CBFA2T2: variants seen among roughly 807,000 people sequenced by gnomAD.
CBFA2T2 encodes protein CBFA2T2.
CBFA2T2 carries 11 observed loss-of-function variants against 62.2 expected under a neutral mutation model. The observed-to-expected ratio is 0.18, with a 90% CI of 0.11 to 0.29. The LOEUF (loss-of-function observed/expected upper bound fraction) is 0.29. Ranked by LOEUF, CBFA2T2 falls within the 10% of genes least tolerant of loss-of-function variation. CBFA2T2 has a pLI of 1.00. For synonymous variants in CBFA2T2, 295 were observed against 287.5 expected (o/e 1.03, Z -0.27); for missense variants, 592 against 774.1 (o/e 0.76, Z 2.79).
intron 1 of CBFA2T2, among the ~76,000 whole-genome samples, chr20:33,606,453 G>A (rs2015343628): frequency 6.6e-6 from 1 of 152,126 alleles, no homozygotes; most frequent in African/African-American, 2.4e-5. Context: ...AAAGCCAGAG[G>A]CCCAAAATTG....
intron 4 of CBFA2T2, among the ~76,000 whole-genome samples, 198 bp downstream of exon 4, chr20:33,619,804 C>G (rs1056717342): frequency 3.3e-5 from 5 of 152,134 alleles, no homozygotes; most frequent in African/African-American, 1.2e-4. Context: ...AAGTTGTGGT[C>G]TGTGTGCAGA....
chr20:33,592,119 T>C (rs1443888277), intron 1 of CBFA2T2, among the ~76,000 whole-genome samples: 1 of 151,902 alleles, frequency 6.6e-6, no homozygotes, highest in Non-Finnish European at 1.5e-5. Flanking sequence ...TCTCAGCACT[T>C]TGGGAGGCTG....
chr20:33,561,727 T>C (rs1381768457), intron 1 of CBFA2T2, among the ~76,000 whole-genome samples: 1 of 152,246 alleles, frequency 6.6e-6, no homozygotes, highest in African/African-American at 2.4e-5. Context: ...AATATTATGT[T>C]ATTTCTGACA....
At chr20:33,556,932 G>A (rs553582376) in intron 1 of CBFA2T2, among the ~76,000 whole-genome samples, 3 of 147,060 alleles carry the variant, frequency 2.0e-5, no homozygotes, top group African/African-American at 7.6e-5. Flanking sequence ...ACTGGCTTTA[G>A]TGTTCTTTTG....
At chr20:33,513,905 TTTGTTG>T (rs199552942) in intron 1 of CBFA2T2, among the ~76,000 whole-genome samples, 25 of 151,264 alleles carry the variant, frequency 1.7e-4, no homozygotes, top group Admixed American at 1.4e-3. Context: ...TGTGTTTTTT[TTTGTTG>T]TTGTTGTTGT....
intron 1 of CBFA2T2, among the ~76,000 whole-genome samples, chr20:33,516,457 G>A (rs1286873008): frequency 6.6e-6 from 1 of 152,172 alleles, no homozygotes; most frequent in African/African-American, 2.4e-5. Context: ...GCAACAGAGT[G>A]AGACTCCATC....
chr20:33,599,482 T>A (rs147758113), intron 1 of CBFA2T2, among the ~76,000 whole-genome samples: 1 of 152,352 alleles, frequency 6.6e-6, no homozygotes, highest in African/African-American at 2.4e-5. Context: ...GTAAAAAATT[T>A]ATTTTTTCTA....
chr20:33,576,760 T>G (rs1568828945), intron 1 of CBFA2T2, among the ~76,000 whole-genome samples: 1 of 152,288 alleles, frequency 6.6e-6, no homozygotes, highest in African/African-American at 2.4e-5. Context: ...AGGCTGCAGC[T>G]GTACATTTTT....
At chr20:33,604,621 C>T (rs772858647) in intron 1 of CBFA2T2, among the ~76,000 whole-genome samples, 1 of 152,204 alleles carries the variant, frequency 6.6e-6, no homozygotes. Flanking sequence ...CAGAGTTCAG[C>T]GTTCTGCATT....
chr20:33,554,228 A>G (rs886573672), intron 1 of CBFA2T2, among the ~76,000 whole-genome samples: 33 of 150,870 alleles, frequency 2.2e-4, no homozygotes, highest in African/African-American at 7.8e-4. Flanking sequence ...CACTATAAGC[A>G]CCAGTGTTTA....
At chr20:33,532,031 A>G (rs1206215445) in intron 1 of CBFA2T2, among the ~76,000 whole-genome samples, 3 of 152,174 alleles carry the variant, frequency 2.0e-5, no homozygotes, top group African/African-American at 7.2e-5. Context: ...CCATGAACCT[A>G]TCCCCTCAGC....
At chr20:33,564,463 G>C (rs934129048) in intron 1 of CBFA2T2, among the ~76,000 whole-genome samples, 15 of 151,946 alleles carry the variant, frequency 9.9e-5, no homozygotes, top group Non-Finnish European at 1.6e-4. Flanking sequence ...TACCATGTTG[G>C]TCAGGCTGGT....
At position 33,564,557 on chromosome 20, in the gene CBFA2T2, CT is replaced by C. The variant is rs1392694093; in HGVS notation, c.35-42392del. On this transcript the variant is annotated intron_variant, in intron 1 of 10. Transcript: ENST00000342704. ...GGAGTGAGCCACCGCGCCTGGCCCT[CT>C]TTTTTTCTTTTCTCTTTTCTTTTCT... 5.3e-5 allele frequency among the ~76,000 whole-genome samples: 8 copies of C among 151,576 alleles called. No individual in the cohort carries two copies. The East Asian group carries it at 1.6e-3, about 30-fold the overall frequency.
chr20:33,620,181 A>G (rs940445772), intron 4 of CBFA2T2, among the ~76,000 whole-genome samples: 3 of 152,136 alleles, frequency 2.0e-5, no homozygotes, highest in Non-Finnish European at 2.9e-5. Context: ...AGGCCATGTT[A>G]TATATGTTAT....
chr20:33,532,045 A>G (rs1288891475), intron 1 of CBFA2T2, among the ~76,000 whole-genome samples: 1 of 152,128 alleles, frequency 6.6e-6, no homozygotes, highest in African/African-American at 2.4e-5. Context: ...CCTCAGCCCC[A>G]ATAAGCTGCA....
chr20:33,606,986 C>G lies in CBFA2T2; in HGVS notation c.65C>G (p.Pro22Arg). Residue 22 changes from proline (P) to arginine (R), a missense_variant, in exon 2 of 11, where the codon CCT (proline) becomes CGT (arginine). Transcript: ENST00000342704. Reference protein sequence around the residue: ...LGPEKRVPAMPGSPVEVKIQS... With the variant: ...LGPEKRVPAMRGSPVEVKIQS... ...CCTGAGAAAAGGGTGCCAGCGATGC[C>G]TGGATCGCCTGTGGAAGTGAAGATA... 6.2e-7 allele frequency: 1 copy of G among 1,613,936 alleles called. No homozygotes were observed. The highest frequency in any genetic ancestry group is 8.5e-7 in the Non-Finnish European group (1 of 1,179,862).
intron 1 of CBFA2T2, among the ~76,000 whole-genome samples, chr20:33,555,411 T>C (rs992610496): frequency 2.0e-5 from 3 of 152,228 alleles, no homozygotes; most frequent in African/African-American, 7.2e-5. Flanking sequence ...TCTTCACACT[T>C]TTTTGTCATG....
rs139743886 is a variant in CBFA2T2 at position 33,504,198 on chromosome 20, G to A, written c.34+13897G>A. Among the ~76,000 whole-genome samples the A allele has an allele frequency of 7.2e-4, 110 of 152,154 alleles. 1 individual carries two copies. The highest frequency in any genetic ancestry group is 2.5e-3 in the African/African-American group (105 of 41,502). On this transcript the variant is annotated intron_variant, in intron 1 of 10. Transcript: ENST00000342704. ...TTGAGATTCATCCACGTTGTGTCAT[G>A]TATCTATAGGTTGTTCCTTTTTATT...
chr20:33,509,653 AC>A (rs2011473771), intron 1 of CBFA2T2, among the ~76,000 whole-genome samples: 2 of 151,756 alleles, frequency 1.3e-5, no homozygotes, highest in Admixed American at 1.3e-4. Flanking sequence ...ATGTGATGAA[AC>A]CTCGTCTCTA....
Sources: allele counts gnomAD v4.1 joint callset (sites outside exome capture counted in the v4.1 genomes callset), GRCh38; gene constraint gnomAD v4.1.1; transcripts MANE v1.5; gene names NCBI Gene and HGNC (gene_info 2026-07-23, HGNC 2026-07-21).